The following UBASH3B variants were observed in gnomAD, a reference collection of about 807,000 sequenced individuals.
UBASH3B encodes ubiquitin-associated and SH3 domain-containing protein B.
Under a neutral mutation model 83.4 loss-of-function variants are expected in UBASH3B, and 37 were observed. The observed-to-expected ratio is 0.44, with a 90% CI of 0.34 to 0.58. UBASH3B has a LOEUF of 0.58. Among genes scored for constraint, UBASH3B ranks in the 20% least tolerant of loss-of-function variants. The pLI is 0.01. For synonymous variants in UBASH3B, 304 were observed against 318.3 expected, an observed-to-expected ratio of 0.96 and a Z score of 0.48; for missense variants, 657 against 827.2, an observed-to-expected ratio of 0.79 and a Z score of 2.52.
At chr11:122,763,499 C>T (rs1161556632) in intron 1 of UBASH3B, among the ~76,000 whole-genome samples, 2 of 152,220 alleles carry the variant, frequency 1.3e-5, no homozygotes, top group Admixed American at 1.3e-4. Flanking sequence ...TGGAGGCCTT[C>T]AGCTGAAGAC....
In UBASH3B at chr11:122,730,781, G is replaced by C. The variant is rs149422439; in HGVS notation, c.162-45438G>C. On this transcript the variant is annotated intron_variant, in intron 1 of 13. Transcript: ENST00000284273. ...CGGCTCATTTTGTATTTTTAGTAGA[G>C]GCGGGATTTCTCTATGTTGGTCAGA... Among the ~76,000 whole-genome samples, 962 of 152,082 alleles carry C rather than the reference G, an allele frequency of 6.3e-3. 10 individuals carry two copies. Among genetic ancestry groups the C allele is most frequent in the East Asian group, 0.034 (177 of 5,164 alleles).
intron 1 of UBASH3B, among the ~76,000 whole-genome samples, chr11:122,753,432 T>C (rs1861231117): frequency 6.6e-6 from 1 of 150,656 alleles, no homozygotes; most frequent in African/African-American, 2.4e-5. Context: ...GCCTGGGCAA[T>C]GGAGTGAGAC....
intron 1 of UBASH3B, among the ~76,000 whole-genome samples, chr11:122,711,238 A>G (rs1864186750): frequency 6.6e-6 from 1 of 152,254 alleles, no homozygotes; most frequent in African/African-American, 2.4e-5. Context: ...TCTCTGTAGC[A>G]GACATTTTTG....
intron 1 of UBASH3B, among the ~76,000 whole-genome samples, chr11:122,754,662 TTCA>T (rs1450244479): frequency 6.6e-6 from 1 of 152,138 alleles, no homozygotes; most frequent in East Asian, 1.9e-4. Context: ...AAGGCTGTTC[TTCA>T]TCATCAGCCC....
At chr11:122,779,319 A>C (rs1860805255) in intron 3 of UBASH3B, 178 bp from the exon 4 acceptor site, 1 of 661,658 alleles carries the variant, frequency 1.5e-6, no homozygotes, top group African/African-American at 1.8e-5. Flanking sequence ...CAGTTGGGTA[A>C]TCTGTGTCTG....
At chr11:122,657,518 A>G (rs1591756960) in intron 1 of UBASH3B, among the ~76,000 whole-genome samples, 2 of 152,006 alleles carry the variant, frequency 1.3e-5, no homozygotes, top group South Asian at 4.2e-4. Context: ...CGAACTCCTG[A>G]CCTCAGGTGA....
chr11:122,690,196 ATATATATATATATCCAAT>A lies in UBASH3B; in HGVS notation c.161+34000_161+34017del, dbSNP rs1565530269. Among the ~76,000 whole-genome samples, 33 of 22,656 alleles carry A rather than the reference ATATATATATATATCCAAT, an allele frequency of 1.5e-3. 1 individual carries two copies. The highest frequency in any genetic ancestry group is 0.026 in the Middle Eastern group (1 of 38). 14.9% of individuals were successfully genotyped at this position (22,656 alleles called of 152,430 possible). On this transcript the variant is annotated intron_variant, in intron 1 of 13. Transcript: ENST00000284273. Reference sequence around the variant, plus strand: ...TATATATATATATATATATATATATATATATATATATATCCAATTATATATATATATATCCAATTTTAT... The same window carrying A: ...TATATATATATATATATATATATATATATATATATATATATCCAATTTTAT...
chr11:122,684,843 C>T (rs1484254670), intron 1 of UBASH3B, among the ~76,000 whole-genome samples: 5 of 152,150 alleles, frequency 3.3e-5, no homozygotes, highest in Non-Finnish European at 4.4e-5. Context: ...GGTGATCCAC[C>T]CGCCTTGGCC....
At chr11:122,807,223 T>C (rs1272523004) in intron 12 of UBASH3B, among the ~76,000 whole-genome samples, 1 of 152,166 alleles carries the variant, frequency 6.6e-6, no homozygotes, top group Non-Finnish European at 1.5e-5. Context: ...AGTTCTATAG[T>C]GGGAACACTT....
At chr11:122,767,306 T>TTTTTGTTTTG (rs149424023) in intron 1 of UBASH3B, among the ~76,000 whole-genome samples, 144,447 of 150,018 alleles carry the variant, frequency 0.96, 69,709 homozygotes, top group Middle Eastern at 0.99. Context: ...TAAAGGTTTC[T>TTTTTGTTTTG]TTTTGTTTTG....
At chr11:122,702,627 C>T (rs1239838802) in intron 1 of UBASH3B, among the ~76,000 whole-genome samples, 1 of 151,848 alleles carries the variant, frequency 6.6e-6, no homozygotes, top group Non-Finnish European at 1.5e-5. Context: ...CGAGTTCAAG[C>T]GATTCTCCTG....
At chr11:122,774,310 A>G (rs1860696716) in intron 1 of UBASH3B, 2 of 985,100 alleles carry the variant, frequency 2.0e-6, no homozygotes, top group Admixed American at 1.2e-4. Context: ...AGCTGTGCAG[A>G]CTTCCTTATC....
At chr11:122,802,830 C>T (rs1861281034) in intron 11 of UBASH3B, among the ~76,000 whole-genome samples, 1 of 152,216 alleles carries the variant, frequency 6.6e-6, no homozygotes, top group South Asian at 2.1e-4. Flanking sequence ...CCCCATGCAG[C>T]AGCCAGCATC....
intron 1 of UBASH3B, among the ~76,000 whole-genome samples, chr11:122,723,282 AC>A (rs1261372059): frequency 6.6e-6 from 1 of 152,250 alleles, no homozygotes; most frequent in Non-Finnish European, 1.5e-5. Flanking sequence ...TCATCACAAC[AC>A]ATGAGGAAGC....
At position 122,759,631 on chromosome 11, in the gene UBASH3B, T is replaced by A. The variant is rs969683841; in HGVS notation, c.162-16588T>A. On this transcript the variant is annotated intron_variant, in intron 1 of 13. Coordinates refer to ENST00000284273, the MANE Select transcript of UBASH3B (RefSeq NM_032873.5). This position sits in a 1 kb window ranked among gnomAD's most constrained non-coding sequence, Gnocchi z 4.1. ...TGGGTGATGGGAGACAATGACAGAC[T>A]ATCAGGCATTAGATTCTCCTGAGGA... Among the ~76,000 whole-genome samples the A allele has an allele frequency of 5.3e-5, 8 of 152,190 alleles. No homozygotes were observed. Among genetic ancestry groups the A allele is most frequent in the African/African-American group, 1.7e-4 (7 of 41,454 alleles).
At chr11:122,676,181 C>T (rs567343140) in intron 1 of UBASH3B, among the ~76,000 whole-genome samples, 24 of 152,142 alleles carry the variant, frequency 1.6e-4, no homozygotes, top group Admixed American at 3.9e-4. Context: ...GCAAGAGGAT[C>T]GCTTTGAGCC....
intron 1 of UBASH3B, among the ~76,000 whole-genome samples, chr11:122,679,356 G>A (rs534592108): frequency 5.9e-5 from 9 of 152,286 alleles, no homozygotes; most frequent in South Asian, 2.1e-4. Flanking sequence ...TGAAGGCCCC[G>A]GAAAGGCACC....
intron 1 of UBASH3B, among the ~76,000 whole-genome samples, chr11:122,773,428 T>A (rs1860681494): frequency 6.6e-6 from 1 of 152,236 alleles, no homozygotes; most frequent in African/African-American, 2.4e-5. Flanking sequence ...TCGTGCAGCC[T>A]CCTGCCTGGA....
At chr11:122,675,082 A>G (rs1863650493) in intron 1 of UBASH3B, among the ~76,000 whole-genome samples, 1 of 152,184 alleles carries the variant, frequency 6.6e-6, no homozygotes, top group Non-Finnish European at 1.5e-5. Context: ...AGTTTATTAA[A>G]CATGCACCAT....
Sources: allele counts gnomAD v4.1 joint callset (sites outside exome capture counted in the v4.1 genomes callset), GRCh38; gene constraint gnomAD v4.1.1; non-coding constraint Gnocchi (gnomAD v3.1); transcripts MANE v1.5; gene names NCBI Gene and HGNC (gene_info 2026-07-23, HGNC 2026-07-21).